FREM3: variants seen among roughly 807,000 people sequenced by gnomAD.
The protein encoded by FREM3 is FRAS1 related extracellular matrix 3.
A neutral mutation model predicts 129.1 loss-of-function variants in FREM3; 105 were observed. The observed-to-expected ratio is 0.81, with a 90% CI of 0.69 to 0.96. The LOEUF (loss-of-function observed/expected upper bound fraction) is 0.96, where lower values mean the gene tolerates loss of function less well. FREM3 is among the 40% of genes least tolerant of loss of function. The pLI is 0.00. For synonymous variants in FREM3, 1,014 were observed against 1,044.9 expected (o/e 0.97, Z 0.57); for missense variants, 2,593 against 2,666.3 (o/e 0.97, Z 0.61).
chr4:143,673,928 A>G (rs1740054597), intron 2 of FREM3, among the ~76,000 whole-genome samples: 1 of 152,226 alleles, frequency 6.6e-6, no homozygotes, highest in Non-Finnish European at 1.5e-5. Context: ...GCCATTTGCT[A>G]AGACCATTGG....
chr4:143,610,109 G>C (rs575940251), intron 6 of FREM3, among the ~76,000 whole-genome samples: 3 of 152,276 alleles, frequency 2.0e-5, no homozygotes, highest in African/African-American at 7.2e-5. Flanking sequence ...CTCAGGGCCT[G>C]TCCTTATTCT....
intron 3 of FREM3, among the ~76,000 whole-genome samples, chr4:143,624,931 C>T (rs534181821): frequency 6.6e-6 from 1 of 152,134 alleles, no homozygotes; most frequent in African/African-American, 2.4e-5. Context: ...GGCTTGTTTC[C>T]TCATATGTTT....
At position 143,700,082 on chromosome 4, in the gene FREM3, C is replaced by T. The variant is rs2149866144; in HGVS notation, c.594G>A (p.Leu198=). Reference sequence around the variant, plus strand: ...TGCGGGTGGCCGTGGCTCCAGACTTCAGGGAGGCGAAGTCCAGCACTCTCC... The same window carrying T: ...TGCGGGTGGCCGTGGCTCCAGACTTTAGGGAGGCGAAGTCCAGCACTCTCC... ...IDRRVLDFAS[L]KSGATATRRC... The change falls in exon 1 of 8, where the codon CTG becomes CTA. Residue 198 remains leucine, a synonymous_variant. Coordinates refer to ENST00000329798, the MANE Select transcript of FREM3 (RefSeq NM_001168235.2). The T allele has an allele frequency of 6.5e-7, 1 of 1,532,328 alleles. No homozygotes were observed. The highest frequency in any genetic ancestry group is 1.7e-4 in the Middle Eastern group (1 of 5,972). 94.9% of individuals were successfully genotyped at this position (1,532,328 alleles called of 1,614,324 possible). A position where few individuals can be genotyped will look rare whatever the true frequency, so the allele number is the denominator to read the frequency against.
chr4:143,681,656 A>G (rs1031538669), intron 2 of FREM3, among the ~76,000 whole-genome samples: 1 of 152,206 alleles, frequency 6.6e-6, no homozygotes, highest in Non-Finnish European at 1.5e-5. Flanking sequence ...CACATTGTCA[A>G]AAATTTCCAT....
Position 143,663,902 on chromosome 4 carries a change from C to T in FREM3, c.5275+29211G>A, listed in dbSNP as rs957534280. Among the ~76,000 whole-genome samples, 4 of 152,130 alleles carry T rather than the reference C, an allele frequency of 2.6e-5. No individual in the cohort carries two copies. The East Asian group carries it at 5.8e-4, about 22-fold the overall frequency. On this transcript the variant is annotated intron_variant, in intron 2 of 7. Transcript: ENST00000329798. ...CGGCTCCTGAGGCTTCTGCATTCTT[C>T]ACGTAGTTCTCGAGCCTTGGCTTTC...
In FREM3 at chr4:143,662,539, C is replaced by T. The variant is rs866683200; in HGVS notation, c.5275+30574G>A. Among the ~76,000 whole-genome samples, 79 of 85,350 alleles carry T rather than the reference C, an allele frequency of 9.3e-4. 2 individuals carry two copies. The highest frequency in any genetic ancestry group is 7.3e-3 in the Admixed American group (61 of 8,320). 56.0% of individuals were successfully genotyped at this position (85,350 alleles called of 152,430 possible). Reference sequence around the variant, plus strand: ...GGTCAATTTTGGAATAGGTGTGGTGCGGAAAAAAATGTATATTCTGTTGAT... The same window carrying T: ...GGTCAATTTTGGAATAGGTGTGGTGTGGAAAAAAATGTATATTCTGTTGAT... On this transcript the variant is annotated intron_variant, in intron 2 of 7. Transcript: ENST00000329798.
intron 2 of FREM3, among the ~76,000 whole-genome samples, chr4:143,675,573 A>T (rs903129906): frequency 2.6e-5 from 4 of 152,220 alleles, no homozygotes; most frequent in African/African-American, 9.7e-5. Context: ...AGACACAAAA[A>T]ACCCTTCAAA....
intron 2 of FREM3, among the ~76,000 whole-genome samples, chr4:143,681,350 C>T (rs1740245330): frequency 6.6e-6 from 1 of 151,560 alleles, no homozygotes; most frequent in Admixed American, 6.6e-5. Context: ...TGGAAGAGAC[C>T]CATTTAGTGT....
chr4:143,650,435 C>T (rs931801545), intron 2 of FREM3, among the ~76,000 whole-genome samples: 1 of 152,172 alleles, frequency 6.6e-6, no homozygotes, highest in Non-Finnish European at 1.5e-5. Flanking sequence ...GTATCTAAAC[C>T]CTCACCAGGC....
At chr4:143,589,616 C>A (rs1282078436) in intron 6 of FREM3, among the ~76,000 whole-genome samples, 1 of 152,152 alleles carries the variant, frequency 6.6e-6, no homozygotes, top group Non-Finnish European at 1.5e-5. Context: ...GTTTTGGTAC[C>A]ACTACCATGC....
chr4:143,638,013 T>G (rs1386810864), intron 2 of FREM3, among the ~76,000 whole-genome samples: 3 of 152,162 alleles, frequency 2.0e-5, no homozygotes, highest in Admixed American at 2.0e-4. Flanking sequence ...CCAAACTGTC[T>G]TGATGATATA....
At chr4:143,642,830 A>T (rs1739344787) in intron 2 of FREM3, among the ~76,000 whole-genome samples, 1 of 152,086 alleles carries the variant, frequency 6.6e-6, no homozygotes, top group African/African-American at 2.4e-5. Context: ...AAAGGAAACA[A>T]TCTACACAAT....
intron 5 of FREM3, among the ~76,000 whole-genome samples, chr4:143,612,586 C>T (rs1030636811): frequency 6.6e-6 from 1 of 152,108 alleles, no homozygotes; most frequent in Non-Finnish European, 1.5e-5. Flanking sequence ...TGCGGTTTTC[C>T]CATTACTTTT....
intron 2 of FREM3, among the ~76,000 whole-genome samples, chr4:143,638,095 C>T (rs1023726729): frequency 6.6e-6 from 1 of 152,134 alleles, no homozygotes; most frequent in Non-Finnish European, 1.5e-5. Context: ...TTTTCGTGCC[C>T]TTTTTCTCCT....
At chr4:143,668,033 TTAAAA>T (rs1739896072) in intron 2 of FREM3, among the ~76,000 whole-genome samples, 1 of 152,228 alleles carries the variant, frequency 6.6e-6, no homozygotes, top group Non-Finnish European at 1.5e-5. Context: ...GAAATTACTT[TTAAAA>T]TAAAATTGTT....
At chr4:143,613,239 C>T (rs561623207) in intron 5 of FREM3, among the ~76,000 whole-genome samples, 3 of 152,150 alleles carry the variant, frequency 2.0e-5, no homozygotes, top group Admixed American at 6.5e-5. Flanking sequence ...TTGATGAGAA[C>T]AAAATGTGTT....
intron 2 of FREM3, among the ~76,000 whole-genome samples, chr4:143,659,721 C>T (rs1739670476): frequency 6.6e-6 from 1 of 150,896 alleles, no homozygotes; most frequent in African/African-American, 2.5e-5. Context: ...GTTCCTATTT[C>T]TCCACATCCT....
At chr4:143,676,844 A>T (rs77265869) in intron 2 of FREM3, among the ~76,000 whole-genome samples, 6 of 151,950 alleles carry the variant, frequency 3.9e-5, no homozygotes, top group South Asian at 2.1e-4. Flanking sequence ...AGGGACGTGA[A>T]GGACCTCTTC....
At chr4:143,640,531 G>A (rs184905664) in intron 2 of FREM3, among the ~76,000 whole-genome samples, 286 of 152,268 alleles carry the variant, frequency 1.9e-3, no homozygotes, top group Non-Finnish European at 3.3e-3. Flanking sequence ...TTAGCTGGGC[G>A]TGGTGACACA....
Sources: allele counts gnomAD v4.1 joint callset (sites outside exome capture counted in the v4.1 genomes callset), GRCh38; gene constraint gnomAD v4.1.1; transcripts MANE v1.5; gene names NCBI Gene and HGNC (gene_info 2026-07-23, HGNC 2026-07-21).